PLPPR5: variants seen among roughly 807,000 people sequenced by gnomAD.
The protein encoded by PLPPR5 is phospholipid phosphatase-related protein type 5.
Under a neutral mutation model 33.9 loss-of-function variants are expected in PLPPR5, and 16 were observed. The observed-to-expected ratio is 0.47, with a 90% CI of 0.32 to 0.72. The LOEUF (loss-of-function observed/expected upper bound fraction) is 0.72, where lower values mean the gene tolerates loss of function less well. Ranked by LOEUF, PLPPR5 falls within the 30% of genes least tolerant of loss-of-function variation. PLPPR5 has a pLI of 0.03. For missense variants in PLPPR5, 301 were observed against 406.7 expected (o/e 0.74, Z 2.23); for synonymous variants, 163 against 150.3 (o/e 1.08, Z -0.62).
intron 5 of PLPPR5, among the ~76,000 whole-genome samples, chr1:98,899,476 T>C (rs1467810769): frequency 3.3e-5 from 5 of 152,206 alleles, no homozygotes; most frequent in Non-Finnish European, 7.4e-5. Context: ...TTCTTTAAGA[T>C]GCTGTCCTTT....
chr1:98,914,196 T>C (rs1649255516), intron 5 of PLPPR5, among the ~76,000 whole-genome samples: 1 of 152,228 alleles, frequency 6.6e-6, no homozygotes, highest in African/African-American at 2.4e-5. Flanking sequence ...GTGAGACCAG[T>C]ACACAATGTT....
chr1:98,968,021 A>G (rs897645644), intron 1 of PLPPR5, among the ~76,000 whole-genome samples: 3 of 152,150 alleles, frequency 2.0e-5, no homozygotes, highest in African/African-American at 7.2e-5. Flanking sequence ...GAACAAGAAC[A>G]CCAAGATTCA....
At chr1:98,922,656 T>C (rs778469305) in intron 3 of PLPPR5, among the ~76,000 whole-genome samples, 6 of 152,206 alleles carry the variant, frequency 3.9e-5, no homozygotes, top group Non-Finnish European at 8.8e-5. Context: ...ATTACTTTGT[T>C]TAACTACATT....
Position 98,891,614 on chromosome 1 carries a change from G to C in PLPPR5, c.*1458C>G, listed in dbSNP as rs1648277608. ...GGACCTGGGGGTGAGGGTGGAAGGG[G>C]AGATGCTGAATTTAGGCTTCTCTTT... On this transcript the variant is annotated 3_prime_UTR_variant, in exon 6 of 6. Transcript: ENST00000263177. 1 of 152,016 alleles carries C rather than the reference G, an allele frequency of 6.6e-6. No individual in the cohort carries two copies. Among genetic ancestry groups the C allele is most frequent in the Non-Finnish European group, 1.5e-5 (1 of 67,972 alleles). The allele number at this position is 152,016 out of a possible 1,614,324, so 9.4% of individuals were successfully genotyped here. A position where few individuals can be genotyped will look rare whatever the true frequency, so the allele number is the denominator to read the frequency against.
At chr1:98,947,216 C>T (rs1254682662) in intron 3 of PLPPR5, among the ~76,000 whole-genome samples, 1 of 152,186 alleles carries the variant, frequency 6.6e-6, no homozygotes, top group African/African-American at 2.4e-5. Context: ...TTAACCAAAA[C>T]GTCAATGTTC....
At chr1:98,927,768 T>G (rs1649819794) in intron 3 of PLPPR5, among the ~76,000 whole-genome samples, 1 of 152,202 alleles carries the variant, frequency 6.6e-6, no homozygotes, top group South Asian at 2.1e-4. Context: ...TGGACACATT[T>G]GCCATTCAGC....
At chr1:98,996,050 T>C (rs568628537) in intron 1 of PLPPR5, among the ~76,000 whole-genome samples, 164 of 152,260 alleles carry the variant, frequency 1.1e-3, no homozygotes, top group African/African-American at 3.7e-3. Flanking sequence ...ACAACTTGTT[T>C]AAATGATGAA....
intron 1 of PLPPR5, among the ~76,000 whole-genome samples, chr1:98,977,603 G>C (rs966079773): frequency 5.3e-5 from 8 of 150,054 alleles, no homozygotes; most frequent in African/African-American, 2.0e-4. Flanking sequence ...TTATTTGAAG[G>C]CAGCAAGTTC....
At chr1:98,990,888 A>G (rs1033373067) in intron 1 of PLPPR5, 5 of 152,166 alleles carry the variant, frequency 3.3e-5, no homozygotes, top group Non-Finnish European at 7.3e-5. Flanking sequence ...TTTTTTAAAT[A>G]CACAAATATT....
At chr1:98,894,457 C>G (rs964098071) in intron 5 of PLPPR5, among the ~76,000 whole-genome samples, 1 of 152,012 alleles carries the variant, frequency 6.6e-6, no homozygotes, top group Non-Finnish European at 1.5e-5. Flanking sequence ...TACTTGAAAC[C>G]AGTGAACTGA....
chr1:98,902,686 G>T (rs2101137288), intron 5 of PLPPR5, among the ~76,000 whole-genome samples: 1 of 152,172 alleles, frequency 6.6e-6, no homozygotes, highest in Non-Finnish European at 1.5e-5. Flanking sequence ...TGAAAAAAGA[G>T]GGAGATGAAC....
intron 1 of PLPPR5, among the ~76,000 whole-genome samples, chr1:98,964,831 T>A (rs1428814509): frequency 6.6e-6 from 1 of 152,170 alleles, no homozygotes; most frequent in Admixed American, 6.5e-5. Flanking sequence ...GGAAGCAGGA[T>A]CTTGTTCTGT....
At chr1:98,995,154 T>C (rs1652584777) in intron 1 of PLPPR5, among the ~76,000 whole-genome samples, 1 of 152,136 alleles carries the variant, frequency 6.6e-6, no homozygotes, top group African/African-American at 2.4e-5. Context: ...CATTGTTGGA[T>C]ATACACCCAA....
intron 3 of PLPPR5, among the ~76,000 whole-genome samples, chr1:98,922,331 C>T (rs1007182730): frequency 3.3e-5 from 5 of 152,182 alleles, no homozygotes; most frequent in African/African-American, 9.7e-5. Flanking sequence ...ACACCAAGCA[C>T]AGATAGTCCA....
chr1:98,980,515 G>A (rs1047311466), intron 1 of PLPPR5, among the ~76,000 whole-genome samples: 1 of 152,088 alleles, frequency 6.6e-6, no homozygotes, highest in Admixed American at 6.6e-5. Context: ...CATCTTGCAA[G>A]AAAACCAAGC....
chr1:98,944,483 C>T (rs1321297426), intron 3 of PLPPR5, among the ~76,000 whole-genome samples: 1 of 152,242 alleles, frequency 6.6e-6, no homozygotes, highest in East Asian at 1.9e-4. Context: ...CTCATACTTT[C>T]CACCATGTGA....
At chr1:99,003,119 G>A (rs1368723039) in intron 1 of PLPPR5, among the ~76,000 whole-genome samples, 4 of 132,870 alleles carry the variant, frequency 3.0e-5, no homozygotes, top group Non-Finnish European at 4.7e-5. Flanking sequence ...CTGGGGCAAG[G>A]TCTAACACAT....
At chr1:98,937,385 T>A (rs1487127468) in intron 3 of PLPPR5, among the ~76,000 whole-genome samples, 1 of 152,204 alleles carries the variant, frequency 6.6e-6, no homozygotes, top group Non-Finnish European at 1.5e-5. Context: ...TCCCTCTGAA[T>A]CTGAGCAGCC....
chr1:98,904,443 T>C (rs1306899207), intron 5 of PLPPR5, among the ~76,000 whole-genome samples: 1 of 152,120 alleles, frequency 6.6e-6, no homozygotes, highest in African/African-American at 2.4e-5. Flanking sequence ...TAAAACTATA[T>C]GGATATTAAT....
Sources: gnomAD v4.1 joint callset for allele counts (sites outside exome capture counted in the v4.1 genomes callset) on GRCh38, gnomAD v4.1.1 for gene constraint, MANE v1.5 for transcripts, NCBI Gene and HGNC (gene_info 2026-07-23, HGNC 2026-07-21) for gene names.